GRIK2: variants seen among roughly 807,000 people sequenced by gnomAD.
GRIK2 encodes the protein glutamate ionotropic receptor kainate type subunit 2.
A neutral mutation model predicts 100.3 loss-of-function variants in GRIK2; 32 were observed. The ratio of observed to expected loss-of-function variants is 0.32; its 90% CI spans 0.24 to 0.43. The LOEUF (loss-of-function observed/expected upper bound fraction) is 0.43. GRIK2 is among the 20% of genes least tolerant of loss of function. GRIK2 has a pLI of 1.00. For synonymous variants in GRIK2, 417 were observed against 389.4 expected (o/e 1.07, Z -0.83); for missense variants, 843 against 1,114.9 (o/e 0.76, Z 3.47).
chr6:101,842,913 A>C (rs961465021), intron 10 of GRIK2, among the ~76,000 whole-genome samples: 1 of 152,190 alleles, frequency 6.6e-6, no homozygotes, highest in Admixed American at 6.5e-5. Flanking sequence ...AACAAACAGA[A>C]GTAGAGGATG....
chr6:101,958,253 T>TTCTGTGTGTGTG (rs150156844), intron 14 of GRIK2, among the ~76,000 whole-genome samples: 41,648 of 139,420 alleles, frequency 0.3, 6,181 homozygotes, highest in East Asian at 0.4. Flanking sequence ...TGCTACATAT[T>TTCTGTGTGTGTG]TGTGTGTGTG....
chr6:101,864,259 T>A (rs1234133865), intron 11 of GRIK2, among the ~76,000 whole-genome samples: 3 of 151,870 alleles, frequency 2.0e-5, no homozygotes, highest in African/African-American at 7.3e-5. Context: ...AGTTTGGGTA[T>A]ATTTGGAGGA....
chr6:101,562,982 T>C (rs1777090616), intron 2 of GRIK2, among the ~76,000 whole-genome samples: 1 of 152,322 alleles, frequency 6.6e-6, no homozygotes, highest in Middle Eastern at 3.4e-3. Flanking sequence ...ATGCTTGCAA[T>C]GGGGCTGTAC....
intron 7 of GRIK2, among the ~76,000 whole-genome samples, chr6:101,779,471 A>G (rs1433899240): frequency 2.0e-5 from 3 of 152,224 alleles, no homozygotes; most frequent in African/African-American, 7.2e-5. Context: ...GTGTAGGACA[A>G]TATTGCACAA....
At chr6:101,880,589 G>A (rs1786178047) in intron 11 of GRIK2, among the ~76,000 whole-genome samples, 1 of 151,950 alleles carries the variant, frequency 6.6e-6, no homozygotes, top group South Asian at 2.1e-4. Context: ...ATTTTACTAT[G>A]AGATATATTT....
intron 11 of GRIK2, among the ~76,000 whole-genome samples, chr6:101,885,057 T>G (rs1172474056): frequency 6.6e-6 from 1 of 152,140 alleles, no homozygotes; most frequent in Non-Finnish European, 1.5e-5. Context: ...CCTGCCGGCT[T>G]TCAAGTGTTT....
chr6:102,059,564 T>C (rs1008196716), intron 16 of GRIK2, among the ~76,000 whole-genome samples: 1 of 151,080 alleles, frequency 6.6e-6, no homozygotes, highest in Non-Finnish European at 1.5e-5. Flanking sequence ...CTTTTGGCTA[T>C]AACAAGCTGC....
chr6:101,888,331 G>A (rs1786800924), intron 11 of GRIK2, among the ~76,000 whole-genome samples: 1 of 152,094 alleles, frequency 6.6e-6, no homozygotes, highest in East Asian at 1.9e-4. Context: ...ATCTGAAACA[G>A]GAAATAATAG....
chr6:101,652,982 T>C (rs1377678925), intron 4 of GRIK2, among the ~76,000 whole-genome samples: 1 of 151,800 alleles, frequency 6.6e-6, no homozygotes, highest in Admixed American at 6.6e-5. Flanking sequence ...ATGTGGGGAG[T>C]GCATTGTGAC....
intron 10 of GRIK2, among the ~76,000 whole-genome samples, chr6:101,838,683 C>T (rs962512971): frequency 6.9e-6 from 1 of 144,350 alleles, no homozygotes; most frequent in Non-Finnish European, 1.5e-5. Context: ...CGGAGACTTG[C>T]TCTTGTTGCC....
At chr6:101,531,437 A>G (rs1229760818) in intron 2 of GRIK2, among the ~76,000 whole-genome samples, 2 of 151,974 alleles carry the variant, frequency 1.3e-5, no homozygotes, top group African/African-American at 2.4e-5. Flanking sequence ...GAAAAGTGAC[A>G]AGTAACATAT....
chr6:102,065,212 T>A (rs1771957038), intron 16 of GRIK2, among the ~76,000 whole-genome samples: 1 of 151,306 alleles, frequency 6.6e-6, no homozygotes, highest in Non-Finnish European at 1.5e-5. Flanking sequence ...ATGTTTACAA[T>A]TTTGAGATAG....
chr6:101,839,109 C>A (rs1403913889), intron 10 of GRIK2, among the ~76,000 whole-genome samples: 1 of 152,032 alleles, frequency 6.6e-6, no homozygotes, highest in Non-Finnish European at 1.5e-5. Flanking sequence ...CCTTCAAACA[C>A]AATTTTTTGT....
intron 14 of GRIK2, chr6:101,993,967 T>C (rs574732585): frequency 6.8e-6 from 1 of 148,010 alleles, no homozygotes; most frequent in Non-Finnish European, 1.5e-5. Context: ...TATATATCTA[T>C]ATATACATTA....
rs1786956933 is a variant in GRIK2 at position 101,890,251 on chromosome 6, TA to T, written c.1748+392del. 1.9e-5 allele frequency: 3 copies of T among 157,736 alleles called. No homozygotes were observed. In the South Asian group the frequency reaches 5.9e-4, roughly 31 times the overall value. 9.8% of individuals were successfully genotyped at this position (157,736 alleles called of 1,614,324 possible). Reference sequence around the variant, plus strand: ...TAAGAAAAACCAAAGTACTAAAATTTAAAAGGAGGCCTTTTTTAAGGAACCA... The same window carrying T: ...TAAGAAAAACCAAAGTACTAAAATTTAAAGGAGGCCTTTTTTAAGGAACCA... On this transcript the variant is annotated intron_variant, in intron 12 of 16. Coordinates refer to ENST00000369134, the MANE Select transcript of GRIK2 (RefSeq NM_021956.5).
intron 4 of GRIK2, among the ~76,000 whole-genome samples, chr6:101,673,606 T>C (rs1770599269): frequency 6.6e-6 from 1 of 152,200 alleles, no homozygotes; most frequent in Non-Finnish European, 1.5e-5. Flanking sequence ...TTTATTCTTC[T>C]ATATGCATTC....
intron 9 of GRIK2, among the ~76,000 whole-genome samples, chr6:101,816,414 G>T (rs1781631988): frequency 6.6e-6 from 1 of 152,152 alleles, no homozygotes; most frequent in Admixed American, 6.6e-5. Flanking sequence ...GGGCACAGTG[G>T]CTCACGCCTG....
intron 15 of GRIK2, among the ~76,000 whole-genome samples, chr6:102,049,885 T>G (rs1369932999): frequency 6.6e-6 from 1 of 152,162 alleles, no homozygotes; most frequent in Non-Finnish European, 1.5e-5. Context: ...ATGTTAAATA[T>G]AAGATACATT....
At position 101,910,839 on chromosome 6, in the gene GRIK2, C is replaced by CACACACACACA. The variant is rs1554284826; in HGVS notation, c.1749-13762_1749-13761insACACACACACA. Among the ~76,000 whole-genome samples the CACACACACACA allele has an allele frequency of 1.1e-3, 161 of 143,358 alleles. 1 individual carries two copies. The highest frequency in any genetic ancestry group is 4.0e-3 in the African/African-American group (153 of 37,822). 94.0% of individuals were successfully genotyped at this position (143,358 alleles called of 152,430 possible). Reference sequence around the variant, plus strand: ...CACAGTAAAATAATACCAACATACACCACACACACACACACACACACACAC... The same window carrying CACACACACACA: ...CACAGTAAAATAATACCAACATACACACACACACACACACACACACACACACACACACACAC... On this transcript the variant is annotated intron_variant, in intron 12 of 16. Transcript: ENST00000369134.
Sources: allele counts gnomAD v4.1 joint callset (sites outside exome capture counted in the v4.1 genomes callset), GRCh38; gene constraint gnomAD v4.1.1; transcripts MANE v1.5; gene names NCBI Gene and HGNC (gene_info 2026-07-23, HGNC 2026-07-21).